The following TECPR2 variants were observed in gnomAD, a reference collection of about 807,000 sequenced individuals.
TECPR2 encodes the protein tectonin beta-propeller repeat-containing protein 2.
Under a neutral mutation model 138.1 loss-of-function variants are expected in TECPR2, and 65 were observed. That is an observed-to-expected ratio of 0.47 (90% CI 0.39 to 0.58). The LOEUF is 0.58. Ranked by LOEUF, TECPR2 falls within the 20% of genes least tolerant of loss-of-function variation. The pLI, the probability that TECPR2 is intolerant of heterozygous loss-of-function variation, is 0.00. For missense variants in TECPR2, 1,553 were observed against 1,824.5 expected, an observed-to-expected ratio of 0.85 and a Z score of 2.71; for synonymous variants, 746 against 749.8, an observed-to-expected ratio of 0.99 and a Z score of 0.08.
At chr14:102,380,112 C>A (rs866310420) in intron 2 of TECPR2, among the ~76,000 whole-genome samples, 110 of 136,848 alleles carry the variant, frequency 8.0e-4, no homozygotes, top group Middle Eastern at 4.3e-3. Flanking sequence ...TGAAGATCAC[C>A]ATCTTAAAAT....
intron 19 of TECPR2, 89 bp downstream of exon 19, chr14:102,497,808 C>T (rs1891330125): frequency 2.8e-6 from 4 of 1,420,706 alleles, no homozygotes; most frequent in Non-Finnish European, 3.7e-6. Flanking sequence ...AGAAGCCGAC[C>T]CCACTGGGCT....
At chr14:102,370,069 G>A (rs1887461542) in intron 1 of TECPR2, among the ~76,000 whole-genome samples, 1 of 151,948 alleles carries the variant, frequency 6.6e-6, no homozygotes, top group Non-Finnish European at 1.5e-5. Context: ...GCCTGGCTGA[G>A]GAATAACTTT....
rs1341592582 is a variant in TECPR2, at chr14:102,443,605, C to A, written c.2753-42C>A. 2 of 1,472,826 alleles carry A rather than the reference C, an allele frequency of 1.4e-6. No homozygotes were observed. Among genetic ancestry groups the A allele is most frequent in the South Asian group, 2.9e-5 (2 of 68,768 alleles). 91.2% of individuals were successfully genotyped at this position (1,472,826 alleles called of 1,614,324 possible). On this transcript the variant is annotated intron_variant, in intron 11 of 19. Transcript: ENST00000359520. This position sits in a 1 kb window ranked among gnomAD's most constrained non-coding sequence, Gnocchi z 4.9. ...CCAAGTCAAAATGAGGTGTGGAGTT[C>A]TGACTGTGTGTCTTTGGGGCTTCTT...
Position 102,414,682 on chromosome 14 carries a change from T to C in TECPR2, c.527T>C (p.Val176Ala). The C allele has an allele frequency of 6.2e-7, 1 of 1,614,252 alleles. No individual in the cohort carries two copies. The highest frequency in any genetic ancestry group is 8.5e-7 in the Non-Finnish European group (1 of 1,180,040). Residue 176 changes from valine to alanine, a missense_variant, in exon 5 of 20, where the codon GTG becomes GCG. Transcript: ENST00000359520. ...GTGTTGGAGGAGCCATCTTCCATTG[T>C]GCAGCTGGATTATAGCCAGAAAGTG... ...QLVLEEPSSIVQLDYSQKVLL... is the reference protein window; with the variant it reads ...QLVLEEPSSIAQLDYSQKVLL...
rs1442816405 is a variant in TECPR2, at chr14:102,376,717, T to C, written c.-5T>C. ...GCGTGAAGATAGTCTGTGGAAACCT[T>C]GGCCATGGCATCGATATCAGAGCCT... On this transcript the variant is annotated 5_prime_UTR_variant, in exon 2 of 20. Coordinates refer to ENST00000359520, the MANE Select transcript of TECPR2 (RefSeq NM_014844.5). 3.1e-6 allele frequency: 5 copies of C among 1,614,030 alleles called. No individual in the cohort carries two copies. Among genetic ancestry groups the C allele is most frequent in the Non-Finnish European group, 4.2e-6 (5 of 1,179,854 alleles).
intron 2 of TECPR2, 115 bp from the exon 3 acceptor site, chr14:102,407,223 A>T: frequency 7.5e-7 from 1 of 1,330,518 alleles, no homozygotes; most frequent in East Asian, 2.7e-5. Flanking sequence ...TCAATCAAGA[A>T]TATGTATGGA....
intron 1 of TECPR2, among the ~76,000 whole-genome samples, chr14:102,369,423 C>G (rs1235509945): frequency 2.6e-5 from 4 of 152,102 alleles, no homozygotes; most frequent in Non-Finnish European, 5.9e-5. Flanking sequence ...GGGTCTTGCT[C>G]TGTCACCTAG....
chr14:102,364,629 G>A (rs568280231), intron 1 of TECPR2, among the ~76,000 whole-genome samples: 1 of 152,300 alleles, frequency 6.6e-6, no homozygotes, highest in Admixed American at 6.5e-5. Context: ...CTTTTGTTAG[G>A]CATCAGCTAT....
chr14:102,384,814 C>T (rs1460614911), intron 2 of TECPR2, among the ~76,000 whole-genome samples: 1 of 145,514 alleles, frequency 6.9e-6, no homozygotes, highest in Non-Finnish European at 1.5e-5. Context: ...AGACAGGAAC[C>T]AAGGATGCCA....
intron 17 of TECPR2, among the ~76,000 whole-genome samples, chr14:102,493,009 G>A (rs532851965): frequency 7.2e-5 from 11 of 152,208 alleles, no homozygotes; most frequent in Non-Finnish European, 1.5e-4. Flanking sequence ...GCCCGCTCAC[G>A]AGCACTTCTC....
chr14:102,464,406 T>A (rs1464576139), intron 16 of TECPR2, among the ~76,000 whole-genome samples: 2 of 152,182 alleles, frequency 1.3e-5, no homozygotes, highest in African/African-American at 4.8e-5. Context: ...TTTTTTTGTT[T>A]TTTTGAGATG....
intron 5 of TECPR2, among the ~76,000 whole-genome samples, chr14:102,416,643 A>G (rs1167013234): frequency 6.6e-6 from 1 of 152,192 alleles, no homozygotes; most frequent in Non-Finnish European, 1.5e-5. Context: ...AGGCATTGAA[A>G]ACCAATTACT....
At chr14:102,479,016 CA>C (rs34162369) in intron 17 of TECPR2, among the ~76,000 whole-genome samples, 58,725 of 101,588 alleles carry the variant, frequency 0.58, 13,546 homozygotes, top group South Asian at 0.65. Flanking sequence ...GGCCCTGTCT[CA>C]AAAAAAAAAA....
intron 4 of TECPR2, among the ~76,000 whole-genome samples, chr14:102,411,699 CA>C (rs1173849759): frequency 1.1e-3 from 53 of 46,842 alleles, no homozygotes; most frequent in African/African-American, 5.8e-3. Context: ...CCATGTTGCT[CA>C]AAAAAAAAAA....
In TECPR2 at chr14:102,501,851, CT is replaced by C. The variant is rs1447360330; in HGVS notation, c.*3595del. ...GCCCTTCACAAAAGCAGAAGGAACA[CT>C]GGCCCAAACCCCCAGCACCCCGGAA... On this transcript the variant is annotated 3_prime_UTR_variant, in exon 20 of 20. Coordinates refer to ENST00000359520, the MANE Select transcript of TECPR2 (RefSeq NM_014844.5). The C allele has an allele frequency of 6.6e-6, 1 of 152,226 alleles. No individual in the cohort carries two copies. Among genetic ancestry groups the C allele is most frequent in the Non-Finnish European group, 1.5e-5 (1 of 68,042 alleles). 9.4% of individuals were successfully genotyped at this position (152,226 alleles called of 1,614,324 possible).
intron 1 of TECPR2, among the ~76,000 whole-genome samples, chr14:102,364,110 T>C (rs769984143): frequency 1.3e-5 from 2 of 152,208 alleles, no homozygotes; most frequent in Non-Finnish European, 2.9e-5. Context: ...TCTATTGGAG[T>C]GACCAGTTGC....
Position 102,443,737 on chromosome 14 carries a change from G to A in TECPR2, c.2843G>A (p.Trp948Ter). 6.2e-7 allele frequency: 1 copy of A among 1,613,040 alleles called. No individual in the cohort carries two copies. The highest frequency in any genetic ancestry group is 8.5e-7 in the Non-Finnish European group (1 of 1,179,176). ...ATCACAGCCCGGAACAATGTGGTGT[G>A]GGCGCTGACAGAGCAGAGGGCCCTC... Reference protein sequence around the residue: ...SQITARNNVVWALTEQRALLY... With the variant: ...SQITARNNVV Residue 948 changes from tryptophan (W) to a stop codon, truncating the protein, a stop_gained, in exon 12 of 20, where the codon TGG (tryptophan) becomes TAG (stop). Transcript: ENST00000359520. LOFTEE classifies it high-confidence loss of function. This position sits in a 1 kb window ranked among gnomAD's most constrained non-coding sequence, Gnocchi z 4.9.
intron 16 of TECPR2, among the ~76,000 whole-genome samples, chr14:102,456,217 T>C (rs1890273639): frequency 6.6e-6 from 1 of 152,194 alleles, no homozygotes; most frequent in Admixed American, 6.5e-5. Context: ...TGTTAGCTGC[T>C]GGTGGTGGGG....
Position 102,432,076 on chromosome 14 carries a change from G to C in TECPR2, c.1365G>C (p.Glu455Asp), listed in dbSNP as rs1889512036. Reference protein sequence around the residue: ...NAISSEDFDQELVVKPIKVKR... With the variant: ...NAISSEDFDQDLVVKPIKVKR... ...TCAGCTCAGAGGACTTTGACCAGGA[G>C]CTTGTCGTGAAGCCTATCAAAGTGA... The change falls in exon 8 of 20, where the codon GAG (glutamate) becomes GAC (aspartate). Residue 455 changes from glutamate to aspartate, a missense_variant. Physicochemically the swap from Glu to Asp is conservative, Grantham distance 45 (BLOSUM62 2). Transcript: ENST00000359520. 3.1e-6 allele frequency: 5 copies of C among 1,610,518 alleles called. No individual in the cohort carries two copies. The highest frequency in any genetic ancestry group is 4.5e-5 in the East Asian group (2 of 44,826).
Sources: gnomAD v4.1 joint callset for allele counts (sites outside exome capture counted in the v4.1 genomes callset) on GRCh38, gnomAD v4.1.1 for gene constraint, Gnocchi (gnomAD v3.1) non-coding constraint, MANE v1.5 for transcripts, NCBI Gene and HGNC (gene_info 2026-07-23, HGNC 2026-07-21) for gene names.